PKNOX2: variants seen among roughly 807,000 people sequenced by gnomAD.
PKNOX2 encodes the protein homeobox protein PKNOX2.
Under a neutral mutation model 53.1 loss-of-function variants are expected in PKNOX2, and 14 were observed. The observed-to-expected ratio is 0.26, with a 90% CI of 0.17 to 0.41. PKNOX2 has a LOEUF of 0.41. PKNOX2 is among the 10% of genes least tolerant of loss of function. PKNOX2 has a pLI of 1.00. For missense variants in PKNOX2, 496 were observed against 602.8 expected, an observed-to-expected ratio of 0.82 and a Z score of 1.85; for synonymous variants, 257 against 242.8, an observed-to-expected ratio of 1.06 and a Z score of -0.54.
chr11:125,390,091 C>T (rs992164981), intron 6 of PKNOX2, among the ~76,000 whole-genome samples: 3 of 152,192 alleles, frequency 2.0e-5, no homozygotes, highest in Non-Finnish European at 4.4e-5. Context: ...CAGAAAATCC[C>T]ACAGACACCA....
chr11:125,430,567 A>G (rs2135706445), intron 12 of PKNOX2, among the ~76,000 whole-genome samples: 1 of 152,290 alleles, frequency 6.6e-6, no homozygotes, highest in South Asian at 2.1e-4. Context: ...CACTTTTCTA[A>G]TTGCCAGTCG....
At chr11:125,204,725 C>T (rs969542042) in intron 1 of PKNOX2, among the ~76,000 whole-genome samples, 4 of 152,160 alleles carry the variant, frequency 2.6e-5, no homozygotes, top group South Asian at 2.1e-4. Context: ...CTAAGGTTTG[C>T]CTTCTATTGT....
Position 125,240,448 on chromosome 11 carries a change from G to A in PKNOX2, c.-130+5333G>A, listed in dbSNP as rs185453098. On this transcript the variant is annotated intron_variant, in intron 2 of 12. Transcript: ENST00000298282. The surrounding 1 kb of genome is among the most constrained non-coding windows in gnomAD (Gnocchi z 4.3). ...CTTCTCCATAAACCTTTCTGGAGAG[G>A]AGCTGGGAAGGAGGGATGGGAGGGA... 9.2e-5 allele frequency among the ~76,000 whole-genome samples: 14 copies of A among 152,248 alleles called. No homozygotes were observed. The highest frequency in any genetic ancestry group is 3.1e-4 in the African/African-American group (13 of 41,544).
At chr11:125,360,265 T>A (rs79983860) in intron 4 of PKNOX2, among the ~76,000 whole-genome samples, 3,885 of 151,760 alleles carry the variant, frequency 0.026, 161 homozygotes, top group African/African-American at 0.086. Flanking sequence ...TTAATAGTCA[T>A]AACAAGCAAG....
At position 125,299,523 on chromosome 11, in the gene PKNOX2, A is replaced by T. The variant is rs560731060; in HGVS notation, c.-129-32296A>T. Among the ~76,000 whole-genome samples the T allele has an allele frequency of 1.1e-4, 17 of 152,220 alleles. No homozygotes were observed. In the South Asian group the frequency reaches 3.3e-3, roughly 30 times the overall value. The stretch of plus-strand genomic sequence containing the variant: ...AAGCTGTGCTCTGCTGGGCATCAGG[A>T]GAGGTGGGTTTGGGCACTGGCAGTG... On this transcript the variant is annotated intron_variant, in intron 2 of 12. Transcript: ENST00000298282.
intron 1 of PKNOX2, among the ~76,000 whole-genome samples, chr11:125,217,363 G>A (rs1480309451): frequency 6.6e-6 from 1 of 152,190 alleles, no homozygotes; most frequent in Non-Finnish European, 1.5e-5. Context: ...CATGAGACAA[G>A]GAAAAGAACT....
At chr11:125,373,886 C>T (rs974070980) in intron 5 of PKNOX2, among the ~76,000 whole-genome samples, 7 of 152,144 alleles carry the variant, frequency 4.6e-5, no homozygotes, top group South Asian at 2.1e-4. Flanking sequence ...TGCAGTGTAG[C>T]GTGGGAGAGT....
chr11:125,310,085 T>A (rs756038323), intron 2 of PKNOX2, among the ~76,000 whole-genome samples: 18 of 152,248 alleles, frequency 1.2e-4, no homozygotes, highest in Non-Finnish European at 2.5e-4. Flanking sequence ...GAATTTTCCT[T>A]ATGCCAGCCT....
intron 5 of PKNOX2, among the ~76,000 whole-genome samples, chr11:125,373,522 C>T (rs890897139): frequency 5.3e-5 from 8 of 152,230 alleles, no homozygotes; most frequent in African/African-American, 1.9e-4. Flanking sequence ...AGTGAGATAA[C>T]ACAGGTAATG....
intron 1 of PKNOX2, among the ~76,000 whole-genome samples, chr11:125,220,999 C>CA (rs1007567921): frequency 4.6e-5 from 7 of 152,090 alleles, no homozygotes; most frequent in African/African-American, 1.7e-4. Flanking sequence ...ACTAGAAATA[C>CA]AAAAAATCAG....
At chr11:125,360,576 C>G (rs973927212) in intron 4 of PKNOX2, among the ~76,000 whole-genome samples, 8 of 152,166 alleles carry the variant, frequency 5.3e-5, no homozygotes, top group African/African-American at 1.9e-4. Flanking sequence ...TTCTGTGACA[C>G]CAGGGGCCGC....
At chr11:125,227,521 G>A (rs977733109) in intron 1 of PKNOX2, among the ~76,000 whole-genome samples, 13 of 152,092 alleles carry the variant, frequency 8.5e-5, no homozygotes, top group Non-Finnish European at 1.6e-4. Flanking sequence ...TAGTATCCTC[G>A]AGGTTCATCC....
At chr11:125,227,938 C>A (rs568829250) in intron 1 of PKNOX2, among the ~76,000 whole-genome samples, 3 of 152,290 alleles carry the variant, frequency 2.0e-5, no homozygotes, top group Non-Finnish European at 4.4e-5. Flanking sequence ...TTTCTACCAG[C>A]CTTGAAAGGC....
intron 6 of PKNOX2, among the ~76,000 whole-genome samples, chr11:125,396,920 A>C (rs1284898763): frequency 6.6e-6 from 1 of 152,226 alleles, no homozygotes; most frequent in Non-Finnish European, 1.5e-5. Context: ...GAGGGAAAAA[A>C]CAGAAAACAA....
intron 7 of PKNOX2, among the ~76,000 whole-genome samples, chr11:125,407,812 G>C (rs563389280): frequency 6.6e-6 from 1 of 152,096 alleles, no homozygotes; most frequent in Non-Finnish European, 1.5e-5. Flanking sequence ...TATCAGCACG[G>C]TTTACACACC....
intron 2 of PKNOX2, chr11:125,258,873 C>T (rs1348741425): frequency 5.1e-6 from 2 of 394,172 alleles, no homozygotes; most frequent in Non-Finnish European, 1.0e-5. Flanking sequence ...TGTCTCTTGC[C>T]TCGGGGCCAG....
At chr11:125,294,833 C>A (rs1385605364) in intron 2 of PKNOX2, among the ~76,000 whole-genome samples, 1 of 152,322 alleles carries the variant, frequency 6.6e-6, no homozygotes, top group South Asian at 2.1e-4. Context: ...TACATGCCAA[C>A]AATTGCTAGA....
chr11:125,312,469 A>G (rs966653069), intron 2 of PKNOX2, among the ~76,000 whole-genome samples: 14 of 152,202 alleles, frequency 9.2e-5, no homozygotes, highest in African/African-American at 3.4e-4. Flanking sequence ...TTCTGTGGGA[A>G]GTCACCCTGC....
At chr11:125,278,985 G>A (rs955879091) in intron 2 of PKNOX2, among the ~76,000 whole-genome samples, 4 of 152,302 alleles carry the variant, frequency 2.6e-5, no homozygotes, top group East Asian at 1.9e-4. Flanking sequence ...TGGCTGAGCC[G>A]GGAGACCACT....
Sources: gnomAD v4.1 joint callset for allele counts (sites outside exome capture counted in the v4.1 genomes callset) on GRCh38, gnomAD v4.1.1 for gene constraint, Gnocchi (gnomAD v3.1) non-coding constraint, MANE v1.5 for transcripts, NCBI Gene and HGNC (gene_info 2026-07-23, HGNC 2026-07-21) for gene names.